Variants in MTHFD1L observed in about 807,000 individuals in gnomAD.
MTHFD1L encodes the protein monofunctional C1-tetrahydrofolate synthase, mitochondrial.
A neutral mutation model predicts 119.5 loss-of-function variants in MTHFD1L; 81 were observed. That is an observed-to-expected ratio of 0.68 (90% CI 0.57 to 0.82). The LOEUF is 0.82. Ranked by LOEUF, MTHFD1L falls within the 40% of genes least tolerant of loss-of-function variation. The pLI, the probability that MTHFD1L is intolerant of heterozygous loss-of-function variation, is 0.00. For synonymous variants in MTHFD1L, 430 were observed against 475.2 expected (o/e 0.90, Z 1.24); for missense variants, 1,125 against 1,253.4 (o/e 0.90, Z 1.55).
chr6:150,875,617 C>T (rs887475415), intron 1 of MTHFD1L, among the ~76,000 whole-genome samples: 1 of 152,104 alleles, frequency 6.6e-6, no homozygotes, highest in South Asian at 2.1e-4. Flanking sequence ...TATCCTGTCT[C>T]GACACTTCTT....
intron 7 of MTHFD1L, among the ~76,000 whole-genome samples, chr6:150,892,449 G>T (rs571046887): frequency 7.4e-4 from 113 of 152,262 alleles, no homozygotes; most frequent in Non-Finnish European, 1.5e-3. Context: ...TTTTCATATG[G>T]ACCAGAAGGT....
intron 26 of MTHFD1L, among the ~76,000 whole-genome samples, chr6:151,089,557 C>T (rs1041511325): frequency 2.6e-5 from 4 of 152,286 alleles, no homozygotes; most frequent in Non-Finnish European, 5.9e-5. Context: ...GAGCCGAGAT[C>T]GTGCCACTGC....
intron 10 of MTHFD1L, among the ~76,000 whole-genome samples, 160 bp from the exon 11 acceptor site, chr6:150,925,956 ATACACG>A (rs1189655061): frequency 6.6e-6 from 1 of 152,160 alleles, no homozygotes; most frequent in East Asian, 1.9e-4. Context: ...CCATTTTCTC[ATACACG>A]TTAATTATTA....
intron 2 of MTHFD1L, among the ~76,000 whole-genome samples, chr6:150,877,394 G>A (rs772294611): frequency 1.3e-5 from 2 of 152,116 alleles, no homozygotes; most frequent in African/African-American, 2.4e-5. Context: ...AGGTTACTAT[G>A]TCTTCTAATA....
intron 26 of MTHFD1L, among the ~76,000 whole-genome samples, chr6:151,038,298 A>C (rs374282427): frequency 2.6e-5 from 4 of 152,182 alleles, no homozygotes; most frequent in African/African-American, 9.7e-5. Context: ...GGGATTCTTC[A>C]AAAAGAGCTC....
Position 150,922,298 on chromosome 6 carries a change from C to T in MTHFD1L, c.1078C>T (p.Pro360Ser). 1 of 1,613,434 alleles carries T rather than the reference C, an allele frequency of 6.2e-7. No homozygotes were observed. Among genetic ancestry groups the T allele is most frequent in the Non-Finnish European group, 8.5e-7 (1 of 1,179,428 alleles). Residue 360 changes from proline (P) to serine (S), a missense_variant, in exon 10 of 28, where the codon CCA (proline) becomes TCA (serine). Physicochemically the swap from Pro to Ser is moderately conservative, Grantham distance 74 (BLOSUM62 -1). Transcript: ENST00000367321. Reference sequence around the variant, plus strand: ...GAAACTTCAGCCTCTCTCCCCTGTGCCAAGGTAACACTGGTGTTTTATTTA... The same window carrying T: ...GAAACTTCAGCCTCTCTCCCCTGTGTCAAGGTAACACTGGTGTTTTATTTA... ...CLKLQPLSPVPSDIEISRGQT... is the reference protein window; with the variant it reads ...CLKLQPLSPVSSDIEISRGQT...
intron 16 of MTHFD1L, among the ~76,000 whole-genome samples, chr6:150,953,622 C>G (rs1241197639): frequency 6.6e-6 from 1 of 152,152 alleles, no homozygotes; most frequent in East Asian, 1.9e-4. Context: ...ATTTAACCTT[C>G]ACATTTCTTA....
chr6:150,975,244 T>C (rs1029785409), intron 20 of MTHFD1L, among the ~76,000 whole-genome samples: 2 of 152,226 alleles, frequency 1.3e-5, no homozygotes, highest in African/African-American at 2.4e-5. Flanking sequence ...GGCAATGACT[T>C]ATATTCACAA....
intron 20 of MTHFD1L, among the ~76,000 whole-genome samples, chr6:151,003,176 A>G (rs1780856488): frequency 6.6e-6 from 1 of 152,296 alleles, no homozygotes; most frequent in East Asian, 1.9e-4. Flanking sequence ...AAATAAGCAC[A>G]ATTTTGAAAG....
intron 8 of MTHFD1L, among the ~76,000 whole-genome samples, chr6:150,916,646 C>A (rs1787985562): frequency 7.1e-6 from 1 of 141,624 alleles, no homozygotes; most frequent in African/African-American, 2.6e-5. Context: ...GAATTCTTAT[C>A]AACATCTTTC....
chr6:150,976,622 T>C (rs1416904071), intron 20 of MTHFD1L, among the ~76,000 whole-genome samples: 4 of 152,228 alleles, frequency 2.6e-5, no homozygotes, highest in African/African-American at 9.6e-5. Flanking sequence ...TCTTAAAATA[T>C]GAAAAGCTCA....
intron 26 of MTHFD1L, chr6:151,042,033 T>A (rs1190577442): frequency 2.8e-6 from 1 of 359,754 alleles, no homozygotes; most frequent in Non-Finnish European, 5.6e-6. Flanking sequence ...TTGGCATTGG[T>A]GACCACAAAT....
chr6:150,943,154 G>A (rs778440594), intron 13 of MTHFD1L, among the ~76,000 whole-genome samples: 8 of 152,024 alleles, frequency 5.3e-5, no homozygotes, highest in Non-Finnish European at 1.0e-4. Context: ...GGTGGCAGGC[G>A]CCTATAGTCC....
chr6:150,875,598 C>G (rs1286842398), intron 1 of MTHFD1L, among the ~76,000 whole-genome samples: 2 of 151,970 alleles, frequency 1.3e-5, no homozygotes, highest in Non-Finnish European at 2.9e-5. Flanking sequence ...AATTCCAGGA[C>G]CTGGAATTTA....
At chr6:151,058,006 A>G (rs1790192540) in intron 26 of MTHFD1L, among the ~76,000 whole-genome samples, 1 of 151,986 alleles carries the variant, frequency 6.6e-6, no homozygotes, top group Non-Finnish European at 1.5e-5. Flanking sequence ...CAAACTCCTG[A>G]CCGCACATTA....
At chr6:151,088,796 T>C (rs967169726) in intron 26 of MTHFD1L, among the ~76,000 whole-genome samples, 2 of 152,150 alleles carry the variant, frequency 1.3e-5, no homozygotes, top group Non-Finnish European at 2.9e-5. Flanking sequence ...AGAATCAGAA[T>C]GACTAGAAGA....
intron 20 of MTHFD1L, among the ~76,000 whole-genome samples, chr6:150,984,013 C>T (rs901123558): frequency 6.6e-6 from 1 of 152,152 alleles, no homozygotes; most frequent in African/African-American, 2.4e-5. Context: ...CTCAAGTGAT[C>T]GCCTGCCTCA....
Position 150,926,574 on chromosome 6 carries a change from G to A in MTHFD1L, c.1256+279G>A, listed in dbSNP as rs1790028671. 1.3e-5 allele frequency among the ~76,000 whole-genome samples: 2 copies of A among 152,050 alleles called. No individual in the cohort carries two copies. The highest frequency in any genetic ancestry group is 2.9e-5 in the Non-Finnish European group (2 of 68,000). ...TACCCCTGCTCCTCCTTGACTTTTT[G>A]AATTTCATTTTTCATTATAAAAATC... is the stretch of plus-strand genomic sequence containing the variant. On this transcript the variant is annotated intron_variant, in intron 11 of 27. Transcript: ENST00000367321. This position sits in a 1 kb window ranked among gnomAD's most constrained non-coding sequence, Gnocchi z 4.3.
chr6:151,097,158 G>T (rs1001982868), intron 27 of MTHFD1L, among the ~76,000 whole-genome samples: 1 of 152,102 alleles, frequency 6.6e-6, no homozygotes, highest in Non-Finnish European at 1.5e-5. Flanking sequence ...ACACAATAAA[G>T]TCTGGCAAAT....
Sources: allele counts gnomAD v4.1 joint callset (sites outside exome capture counted in the v4.1 genomes callset), GRCh38; gene constraint gnomAD v4.1.1; non-coding constraint Gnocchi (gnomAD v3.1); transcripts MANE v1.5; gene names NCBI Gene and HGNC (gene_info 2026-07-23, HGNC 2026-07-21).